SYTL3: variants seen among roughly 807,000 people sequenced by gnomAD.
SYTL3 encodes the protein synaptotagmin like 3.
SYTL3 carries 88 observed loss-of-function variants against 82.1 expected under a neutral mutation model. The ratio of observed to expected loss-of-function variants is 1.07; its 90% CI spans 0.90 to 1.28. The LOEUF is 1.28. Ranked by LOEUF, SYTL3 falls within the 50% of genes most tolerant of loss-of-function variation. The pLI is 0.00. For synonymous variants in SYTL3, 311 were observed against 289.4 expected (o/e 1.07, Z -0.76); for missense variants, 831 against 757.6 (o/e 1.10, Z -1.14).
chr6:158,760,534 G>A (rs1789765112), intron 14 of SYTL3, 106 bp from the exon 15 acceptor site: 1 of 930,898 alleles, frequency 1.1e-6, no homozygotes, highest in Non-Finnish European at 1.7e-6. Flanking sequence ...GGCCTTGCAG[G>A]GGCCAGGGGG....
Position 158,665,972 on chromosome 6 carries a change from G to T in SYTL3, c.329+359G>T, listed in dbSNP as rs148279281. On this transcript the variant is annotated intron_variant, in intron 5 of 17. Transcript: ENST00000611299. ...AAAAAAATACAAAAATTAGCCAAGTGTGGTGGTGCATGCCTGTAGTCCCAG... is the reference window on the plus strand; with the variant it reads ...AAAAAAATACAAAAATTAGCCAAGTTTGGTGGTGCATGCCTGTAGTCCCAG... Among the ~76,000 whole-genome samples, 377 of 152,100 alleles carry T rather than the reference G, an allele frequency of 2.5e-3. 1 individual carries two copies. Among genetic ancestry groups the T allele is most frequent in the African/African-American group, 8.2e-3 (339 of 41,478 alleles).
chr6:158,763,536 G>C (rs531480441), intron 17 of SYTL3, 27 bp downstream of exon 17: 1 of 1,591,544 alleles, frequency 6.3e-7, no homozygotes, highest in Admixed American at 1.7e-5. Flanking sequence ...GAGCCCAAAC[G>C]TTTATACTTT....
chr6:158,648,222 GGCAGAGATTGCGGTGA>G (rs1221369542), upstream of SYTL3, among the ~76,000 whole-genome samples: 1 of 152,138 alleles, frequency 6.6e-6, no homozygotes, highest in East Asian at 1.9e-4. Context: ...GAACCCAGGA[GGCAGAGATTGCGGTGA>G]GCTGAGATAG....
intron 8 of SYTL3, 61 bp downstream of exon 8, chr6:158,708,452 A>C: frequency 6.6e-7 from 1 of 1,519,826 alleles, no homozygotes; most frequent in Non-Finnish European, 9.1e-7. Flanking sequence ...GAGAGGAAGC[A>C]GGGGAGCTTT....
chr6:158,680,392 C>T (rs971804723), intron 5 of SYTL3, among the ~76,000 whole-genome samples: 6 of 152,150 alleles, frequency 3.9e-5, no homozygotes, highest in Admixed American at 2.6e-4. Context: ...AGACATATCA[C>T]AGTTGTACAC....
intron 11 of SYTL3, among the ~76,000 whole-genome samples, chr6:158,732,386 A>G (rs1185841023): frequency 6.6e-6 from 1 of 152,274 alleles, no homozygotes; most frequent in Non-Finnish European, 1.5e-5. Flanking sequence ...ATGCCTGGCT[A>G]AAATGGATTA....
chr6:158,659,333 A>G (rs1366345604), intron 2 of SYTL3, among the ~76,000 whole-genome samples: 1 of 152,140 alleles, frequency 6.6e-6, no homozygotes, highest in African/African-American at 2.4e-5. Flanking sequence ...CTGTCTGTCT[A>G]GGGAGTTGAT....
At chr6:158,760,905 G>A (rs1283592876) in intron 15 of SYTL3, among the ~76,000 whole-genome samples, 160 bp downstream of exon 15, 3 of 152,188 alleles carry the variant, frequency 2.0e-5, no homozygotes, top group Admixed American at 6.5e-5. Context: ...CAGCGAGCCC[G>A]GGAGAGGTTC....
chr6:158,694,701 A>G (rs557252988), intron 6 of SYTL3, among the ~76,000 whole-genome samples: 2 of 152,174 alleles, frequency 1.3e-5, no homozygotes, highest in African/African-American at 2.4e-5. Flanking sequence ...CATGAATTTA[A>G]CCTAGACATT....
intron 8 of SYTL3, among the ~76,000 whole-genome samples, chr6:158,710,132 A>G (rs1422994163): frequency 1.3e-5 from 2 of 152,362 alleles, no homozygotes; most frequent in East Asian, 3.9e-4. Context: ...TGCAAGCATA[A>G]ACACTCAGAT....
chr6:158,663,612 G>A (rs756895470), intron 4 of SYTL3: 355 of 985,072 alleles, frequency 3.6e-4, no homozygotes, highest in Middle Eastern at 5.2e-4. Flanking sequence ...CATTTAAAAC[G>A]GTGCCTTTGG....
chr6:158,651,518 G>T (rs936174853), intron 1 of SYTL3, among the ~76,000 whole-genome samples: 7 of 152,266 alleles, frequency 4.6e-5, no homozygotes, highest in African/African-American at 1.7e-4. Context: ...AACCCGGGAG[G>T]TGGAGGTTGC....
chr6:158,702,559 A>G (rs935132671), intron 6 of SYTL3, among the ~76,000 whole-genome samples: 1 of 151,286 alleles, frequency 6.6e-6, no homozygotes, highest in African/African-American at 2.4e-5. Context: ...AGAGGGGGGG[A>G]AAAGAAGTTA....
chr6:158,720,731 G>A (rs1252894494), intron 10 of SYTL3, among the ~76,000 whole-genome samples: 6 of 152,168 alleles, frequency 3.9e-5, no homozygotes, highest in Non-Finnish European at 7.4e-5. Flanking sequence ...TAATCCTTAA[G>A]ACAGCCCTAT....
intron 5 of SYTL3, among the ~76,000 whole-genome samples, chr6:158,667,500 C>G (rs896768308): frequency 4.6e-5 from 7 of 152,146 alleles, no homozygotes; most frequent in African/African-American, 1.7e-4. Flanking sequence ...CCAGCTTTAT[C>G]CAGTCTGGGC....
At chr6:158,745,002 T>A (rs1373551727) in intron 11 of SYTL3, among the ~76,000 whole-genome samples, 2 of 152,158 alleles carry the variant, frequency 1.3e-5, no homozygotes, top group Non-Finnish European at 2.9e-5. Context: ...CCCTGTGAGA[T>A]CAGTATGGTT....
intron 8 of SYTL3, 74 bp from the exon 9 acceptor site, chr6:158,713,726 C>T (rs751440809): frequency 2.2e-5 from 25 of 1,149,852 alleles, no homozygotes; most frequent in Middle Eastern, 3.8e-4. Flanking sequence ...TTGGGGTTGG[C>T]AGCCTGGACA....
chr6:158,682,913 T>C lies in SYTL3; in HGVS notation c.330-12T>C. On this transcript the variant is annotated splice_polypyrimidine_tract_variant and intron_variant, in intron 5 of 17. Coordinates refer to ENST00000611299, the MANE Select transcript of SYTL3 (RefSeq NM_001242394.2). ...TCTCTCTCTGAAGCTTCCTTTCTGC[T>C]CATTTTTTCAGGAATGTCAAAATAA... 1 of 1,610,184 alleles carries C rather than the reference T, an allele frequency of 6.2e-7. No homozygotes were observed. Among genetic ancestry groups the C allele is most frequent in the Non-Finnish European group, 8.5e-7 (1 of 1,176,540 alleles).
chr6:158,734,502 G>A (rs1285692214), intron 11 of SYTL3, among the ~76,000 whole-genome samples: 1 of 152,100 alleles, frequency 6.6e-6, no homozygotes, highest in Admixed American at 6.6e-5. Flanking sequence ...CTCAGCTGCA[G>A]GGCCACTGAC....
Sources: gnomAD v4.1 joint callset for allele counts (sites outside exome capture counted in the v4.1 genomes callset) on GRCh38, gnomAD v4.1.1 for gene constraint, MANE v1.5 for transcripts, NCBI Gene and HGNC (gene_info 2026-07-23, HGNC 2026-07-21) for gene names.